The following AGAP1 variants were observed in gnomAD, a reference collection of about 807,000 sequenced individuals.
AGAP1 encodes ArfGAP with GTPase domain, ankyrin repeat and PH domain 1.
AGAP1 carries 29 observed loss-of-function variants against 105.3 expected under a neutral mutation model. That is an observed-to-expected ratio of 0.28 (90% CI 0.21 to 0.38). The LOEUF (loss-of-function observed/expected upper bound fraction) is 0.38. AGAP1 is among the 10% of genes least tolerant of loss of function. AGAP1 has a pLI of 1.00. For missense variants in AGAP1, 998 were observed against 1,165.1 expected (o/e 0.86, Z 2.09); for synonymous variants, 509 against 485.9 (o/e 1.05, Z -0.63).
At position 235,582,068 on chromosome 2, in the gene AGAP1, A is replaced by G. The variant is rs573336469; in HGVS notation, c.163+87219A>G. ...GAGACATGAAATGTTCCTTCCATCC[A>G]GGGAAGACGTGATTGCAGCAGGCAG... On this transcript the variant is annotated intron_variant, in intron 1 of 17. Transcript: ENST00000304032. This position sits in a 1 kb window ranked among gnomAD's most constrained non-coding sequence, Gnocchi z 4.7. Among the ~76,000 whole-genome samples, 81 of 152,298 alleles carry G rather than the reference A, an allele frequency of 5.3e-4. No individual in the cohort carries two copies. The highest frequency in any genetic ancestry group is 9.7e-4 in the Non-Finnish European group (66 of 68,028).
chr2:236,048,421 C>T (rs1195254890), intron 15 of AGAP1, among the ~76,000 whole-genome samples: 1 of 152,224 alleles, frequency 6.6e-6, no homozygotes, highest in Non-Finnish European at 1.5e-5. Flanking sequence ...GGTTGCGCTG[C>T]GTGATAACCT....
Position 235,754,881 on chromosome 2 carries a change from C to T in AGAP1, c.673+4393C>T, listed in dbSNP as rs897402897. Among the ~76,000 whole-genome samples the T allele has an allele frequency of 2.6e-5, 4 of 152,248 alleles. No individual in the cohort carries two copies. Among genetic ancestry groups the T allele is most frequent in the African/African-American group, 9.6e-5 (4 of 41,474 alleles). ...GTCACCCAGAAACATGACCTTGTGT[C>T]TTGCTCAGGGGTGGAAAAGAAGTGT... On this transcript the variant is annotated intron_variant, in intron 6 of 17. Coordinates refer to ENST00000304032, the MANE Select transcript of AGAP1 (RefSeq NM_001037131.3). This position sits in a 1 kb window ranked among gnomAD's most constrained non-coding sequence, Gnocchi z 4.6.
At position 235,988,229 on chromosome 2, in the gene AGAP1, G is replaced by A. The variant is rs1386423880; in HGVS notation, c.1645+19606G>A. Among the ~76,000 whole-genome samples the A allele has an allele frequency of 1.3e-5, 2 of 152,168 alleles. No homozygotes were observed. The highest frequency in any genetic ancestry group is 4.8e-5 in the African/African-American group (2 of 41,442). On this transcript the variant is annotated intron_variant, in intron 13 of 17. Coordinates refer to ENST00000304032, the MANE Select transcript of AGAP1 (RefSeq NM_001037131.3). This position sits in a 1 kb window ranked among gnomAD's most constrained non-coding sequence, Gnocchi z 4.7. ...AGCTAATTTTTGTGTTTTTAGTAGA[G>A]ACAGGGCTTCACCCTGTTGGCCAGG... is the stretch of plus-strand genomic sequence containing the variant.
chr2:236,048,311 C>T (rs1483718397), intron 15 of AGAP1, among the ~76,000 whole-genome samples: 1 of 152,220 alleles, frequency 6.6e-6, no homozygotes, highest in Non-Finnish European at 1.5e-5. Context: ...CCCAGTGCTG[C>T]TGTCTGAATC....
chr2:235,704,974 T>TC (rs2149492212), intron 1 of AGAP1, among the ~76,000 whole-genome samples: 2 of 105,642 alleles, frequency 1.9e-5, no homozygotes, highest in Non-Finnish European at 3.6e-5. Flanking sequence ...TTTTTCTTTT[T>TC]TTTTTTTTTT....
At chr2:235,902,354 C>G (rs1209201413) in intron 10 of AGAP1, among the ~76,000 whole-genome samples, 1 of 151,898 alleles carries the variant, frequency 6.6e-6, no homozygotes, top group Non-Finnish European at 1.5e-5. Context: ...ATTTTTTTTC[C>G]TCCTCTACTA....
intron 1 of AGAP1, among the ~76,000 whole-genome samples, chr2:235,515,605 T>A (rs575878075): frequency 3.3e-5 from 5 of 152,334 alleles, no homozygotes; most frequent in African/African-American, 1.2e-4. Flanking sequence ...GTTCAGTGTT[T>A]CCTTGTAATT....
rs1956703386 is a variant in AGAP1 at position 235,787,286 on chromosome 2, C to T, written c.674-10473C>T. Reference sequence around the variant, plus strand: ...CACGTGCTAATGACTTCCTGTTCCACAGGCGTAACACTTTCTAATGTTTCA... The same window carrying T: ...CACGTGCTAATGACTTCCTGTTCCATAGGCGTAACACTTTCTAATGTTTCA... On this transcript the variant is annotated intron_variant, in intron 6 of 17. Coordinates refer to ENST00000304032, the MANE Select transcript of AGAP1 (RefSeq NM_001037131.3). The surrounding 1 kb of genome is among the most constrained non-coding windows in gnomAD (Gnocchi z 4.4). Among the ~76,000 whole-genome samples the T allele has an allele frequency of 6.6e-6, 1 of 152,238 alleles. No homozygotes were observed. The highest frequency in any genetic ancestry group is 2.1e-4 in the South Asian group (1 of 4,834).
rs990713434 is a variant in AGAP1, at chr2:235,962,681, C to T, written c.1484-5781C>T. ...AGGCCAGGGTGCTGGAGAGGACACCCAGGAGGCTGAGATGCAGACAGACCA... is the reference window on the plus strand; with the variant it reads ...AGGCCAGGGTGCTGGAGAGGACACCTAGGAGGCTGAGATGCAGACAGACCA... On this transcript the variant is annotated intron_variant, in intron 12 of 17. Coordinates refer to ENST00000304032, the MANE Select transcript of AGAP1 (RefSeq NM_001037131.3). This position sits in a 1 kb window ranked among gnomAD's most constrained non-coding sequence, Gnocchi z 5.3. Among the ~76,000 whole-genome samples, 2 of 152,114 alleles carry T rather than the reference C, an allele frequency of 1.3e-5. No homozygotes were observed. Among genetic ancestry groups the T allele is most frequent in the African/African-American group, 4.8e-5 (2 of 41,416 alleles).
intron 1 of AGAP1, among the ~76,000 whole-genome samples, chr2:235,628,009 C>G (rs1946697609): frequency 1.3e-5 from 2 of 152,148 alleles, no homozygotes; most frequent in African/African-American, 4.8e-5. Flanking sequence ...GTGCCCTTGA[C>G]TGACACAGGG....
Position 235,962,971 on chromosome 2 carries a change from T to C in AGAP1, c.1484-5491T>C, listed in dbSNP as rs887827449. On this transcript the variant is annotated intron_variant, in intron 12 of 17. Coordinates refer to ENST00000304032, the MANE Select transcript of AGAP1 (RefSeq NM_001037131.3). This position sits in a 1 kb window ranked among gnomAD's most constrained non-coding sequence, Gnocchi z 5.3. ...TGGGGGTTCCTGGAGAACCGGTGGA[T>C]CTGTGGGAATCCAGAGTCCCATGGG... Among the ~76,000 whole-genome samples the C allele has an allele frequency of 2.0e-5, 3 of 152,064 alleles. No homozygotes were observed. Among genetic ancestry groups the C allele is most frequent in the Non-Finnish European group, 4.4e-5 (3 of 68,002 alleles).
At chr2:236,047,038 A>T (rs2057741024) in intron 15 of AGAP1, among the ~76,000 whole-genome samples, 1 of 152,136 alleles carries the variant, frequency 6.6e-6, no homozygotes, top group Admixed American at 6.5e-5. Flanking sequence ...CTGAGGCAGG[A>T]GGATCACTGG....
At chr2:235,895,177 A>C (rs2050743901) in intron 10 of AGAP1, among the ~76,000 whole-genome samples, 1 of 152,202 alleles carries the variant, frequency 6.6e-6, no homozygotes, top group African/African-American at 2.4e-5. Flanking sequence ...AGGCTGTATG[A>C]AGAATAGCGG....
At chr2:235,918,198 C>T (rs2051996135) in intron 11 of AGAP1, among the ~76,000 whole-genome samples, 2 of 152,180 alleles carry the variant, frequency 1.3e-5, no homozygotes, top group South Asian at 4.1e-4. Flanking sequence ...ATCTTGGTTA[C>T]AACATATAAA....
intron 1 of AGAP1, among the ~76,000 whole-genome samples, chr2:235,707,691 C>A (rs1022390382): frequency 2.7e-5 from 2 of 74,834 alleles, no homozygotes; most frequent in African/African-American, 7.6e-5. Flanking sequence ...GGGACGTGCT[C>A]CCCAGCCTGT....
chr2:235,505,150 C>T (rs1941740943), intron 1 of AGAP1, among the ~76,000 whole-genome samples: 1 of 152,152 alleles, frequency 6.6e-6, no homozygotes, highest in African/African-American at 2.4e-5. Context: ...GTATGTTTGG[C>T]CTAAACTGTG....
rs1333311244 is a variant in AGAP1, at chr2:235,723,504, T to C, written c.310+5860T>C. Among the ~76,000 whole-genome samples the C allele has an allele frequency of 6.6e-6, 1 of 152,142 alleles. No individual in the cohort carries two copies. The highest frequency in any genetic ancestry group is 2.4e-5 in the African/African-American group (1 of 41,450). ...GGCGTCCTCCTGAGATCTTTTCAGG[T>C]TGCAGAACTGAGTCATTGCTCTGAG... is the stretch of plus-strand genomic sequence containing the variant. On this transcript the variant is annotated intron_variant, in intron 3 of 17. Coordinates refer to ENST00000304032, the MANE Select transcript of AGAP1 (RefSeq NM_001037131.3). The surrounding 1 kb of genome is among the most constrained non-coding windows in gnomAD (Gnocchi z 6.2).
In AGAP1 at chr2:235,750,697, G is replaced by A. The variant is rs1197974351; in HGVS notation, c.673+209G>A. ...GTGTTCAGAAGAGACAACAAGGCATGGCTTGAGAACAGCCTGGTGTTGGGT... is the reference window on the plus strand; with the variant it reads ...GTGTTCAGAAGAGACAACAAGGCATAGCTTGAGAACAGCCTGGTGTTGGGT... On this transcript the variant is annotated intron_variant, in intron 6 of 17. Transcript: ENST00000304032. The surrounding 1 kb of genome is among the most constrained non-coding windows in gnomAD (Gnocchi z 5.3). 6.6e-6 allele frequency among the ~76,000 whole-genome samples: 1 copy of A among 152,180 alleles called. No individual in the cohort carries two copies. The highest frequency in any genetic ancestry group is 2.1e-4 in the South Asian group (1 of 4,828).
intron 1 of AGAP1, among the ~76,000 whole-genome samples, chr2:235,515,166 G>C (rs943190696): frequency 6.6e-6 from 1 of 152,160 alleles, no homozygotes; most frequent in African/African-American, 2.4e-5. Context: ...TGGGTCCTTG[G>C]TTGGAAACAT....
Sources: allele counts gnomAD v4.1 joint callset (sites outside exome capture counted in the v4.1 genomes callset), GRCh38; gene constraint gnomAD v4.1.1; non-coding constraint Gnocchi (gnomAD v3.1); transcripts MANE v1.5; gene names NCBI Gene and HGNC (gene_info 2026-07-23, HGNC 2026-07-21).